Variants in FMN1 observed in about 807,000 individuals in gnomAD.
The protein encoded by FMN1 is formin-1.
In FMN1, 110 loss-of-function variants were observed where a neutral mutation model predicts 132.4. The observed-to-expected ratio is 0.83, with a 90% CI of 0.71 to 0.97. The LOEUF (loss-of-function observed/expected upper bound fraction) is 0.97, where lower values mean the gene tolerates loss of function less well. FMN1 is among the 50% of genes least tolerant of loss of function. FMN1 has a pLI of 0.00. For missense variants in FMN1, 1,792 were observed against 1,705.3 expected (o/e 1.05, Z -0.90); for synonymous variants, 722 against 651.7 (o/e 1.11, Z -1.64).
At chr15:33,122,808 G>C (rs555590018) in intron 4 of FMN1, among the ~76,000 whole-genome samples, 1 of 152,172 alleles carries the variant, frequency 6.6e-6, no homozygotes, top group Non-Finnish European at 1.5e-5. Flanking sequence ...TAATCTGAAA[G>C]AAGAGGGAAC....
At chr15:33,175,712 A>G (rs10851843) in intron 3 of FMN1, among the ~76,000 whole-genome samples, 132,616 of 152,214 alleles carry the variant, frequency 0.87, 58,224 homozygotes, top group Middle Eastern at 0.93. Context: ...AGCAGAGAAA[A>G]CTGAAAAACA....
At chr15:33,161,300 C>T (rs1964879307) in intron 3 of FMN1, among the ~76,000 whole-genome samples, 1 of 152,188 alleles carries the variant, frequency 6.6e-6, no homozygotes, top group African/African-American at 2.4e-5. Context: ...GTGGCTTCTA[C>T]TAGATTTAGC....
chr15:33,019,179 G>T (rs1039592820), intron 6 of FMN1, among the ~76,000 whole-genome samples: 3 of 152,134 alleles, frequency 2.0e-5, no homozygotes, highest in Non-Finnish European at 4.4e-5. Flanking sequence ...TTTTGACAGG[G>T]TGCTGATTGG....
intron 10 of FMN1, among the ~76,000 whole-genome samples, chr15:32,914,438 T>A (rs2060635496): frequency 6.6e-6 from 1 of 152,102 alleles, no homozygotes; most frequent in Admixed American, 6.5e-5. Context: ...TCAATTTTGG[T>A]TTGAAGAGAG....
intron 4 of FMN1, among the ~76,000 whole-genome samples, chr15:33,128,707 C>T (rs1324239437): frequency 6.6e-6 from 1 of 152,176 alleles, no homozygotes; most frequent in Non-Finnish European, 1.5e-5. Context: ...CCCGCGGACC[C>T]TCACGGTAAG....
At chr15:33,022,621 A>G (rs1481475038) in intron 6 of FMN1, among the ~76,000 whole-genome samples, 2 of 152,224 alleles carry the variant, frequency 1.3e-5, no homozygotes, top group African/African-American at 4.8e-5. Context: ...GTACCAAAGC[A>G]GAATTACGTA....
At chr15:32,863,454 A>T (rs578058295) in intron 16 of FMN1, among the ~76,000 whole-genome samples, 2 of 152,284 alleles carry the variant, frequency 1.3e-5, no homozygotes, top group East Asian at 3.9e-4. Context: ...AATAAATAAA[A>T]TAAAATAAAT....
chr15:33,193,784 TCA>T (rs1966165479), intron 2 of FMN1, 123 bp downstream of exon 2: 1 of 151,906 alleles, frequency 6.6e-6, no homozygotes, highest in Admixed American at 6.6e-5. Flanking sequence ...TCCTCCCAGC[TCA>T]CACTCTGCTC....
At chr15:32,789,790 T>C (rs997432618) in intron 19 of FMN1, among the ~76,000 whole-genome samples, 1 of 152,228 alleles carries the variant, frequency 6.6e-6, no homozygotes, top group Non-Finnish European at 1.5e-5. Context: ...CTATCTTTTA[T>C]ACTGTATTTT....
chr15:32,818,943 AG>A (rs1368847199), intron 17 of FMN1, among the ~76,000 whole-genome samples: 3 of 151,350 alleles, frequency 2.0e-5, no homozygotes, highest in Admixed American at 6.6e-5. Flanking sequence ...AAAAAAAAAA[AG>A]GCTCATGAAA....
chr15:32,788,759 T>G (rs190213248), intron 19 of FMN1, among the ~76,000 whole-genome samples: 1 of 152,250 alleles, frequency 6.6e-6, no homozygotes, highest in Non-Finnish European at 1.5e-5. Context: ...TCTAAGGTTT[T>G]GATTTGAGCT....
intron 4 of FMN1, among the ~76,000 whole-genome samples, chr15:33,111,662 C>A (rs1329909186): frequency 1.3e-5 from 2 of 152,228 alleles, no homozygotes; most frequent in Non-Finnish European, 1.5e-5. Flanking sequence ...ATCTCAAAAA[C>A]ATGCTAAGTA....
chr15:32,948,510 C>T (rs1184653788), intron 9 of FMN1, among the ~76,000 whole-genome samples: 1 of 151,838 alleles, frequency 6.6e-6, no homozygotes, highest in Non-Finnish European at 1.5e-5. Context: ...TAAGCTGGAC[C>T]TCGCATTTTG....
chr15:33,052,368 G>A (rs548306389), intron 6 of FMN1, among the ~76,000 whole-genome samples: 44 of 152,282 alleles, frequency 2.9e-4, no homozygotes, highest in South Asian at 1.5e-3. Context: ...AAAGGAACTC[G>A]ATAAAAATGC....
Position 32,773,993 on chromosome 15 carries a change from T to G in FMN1, c.*317A>C. The G allele has an allele frequency of 2.8e-6, 1 of 359,672 alleles. No individual in the cohort carries two copies. The highest frequency in any genetic ancestry group is 3.6e-5 in the South Asian group (1 of 28,032). 22.3% of individuals were successfully genotyped at this position (359,672 alleles called of 1,614,324 possible). A position where few individuals can be genotyped will look rare whatever the true frequency, so the allele number is the denominator to read the frequency against. ...CAAGCTTTGGTTATAAAGCTGGAAA[T>G]CTCAGCTTTTAAAAAAATTTTGGAA... On this transcript the variant is annotated 3_prime_UTR_variant, in exon 21 of 21. Transcript: ENST00000616417.
intron 7 of FMN1, among the ~76,000 whole-genome samples, chr15:33,000,882 T>C (rs1243711977): frequency 6.6e-6 from 1 of 152,186 alleles, no homozygotes; most frequent in Non-Finnish European, 1.5e-5. Context: ...TTTCAAAGTA[T>C]CACTGTTCAG....
chr15:32,852,458 T>C (rs1247060225), intron 17 of FMN1, among the ~76,000 whole-genome samples: 1 of 152,142 alleles, frequency 6.6e-6, no homozygotes, highest in African/African-American at 2.4e-5. Context: ...TAGTTCACTG[T>C]AGCCTTGAAC....
chr15:33,062,055 C>T (rs2037508844), intron 6 of FMN1, among the ~76,000 whole-genome samples: 2 of 151,942 alleles, frequency 1.3e-5, no homozygotes, highest in African/African-American at 4.8e-5. Flanking sequence ...TCAGACAACA[C>T]AGTAAAATTA....
intron 4 of FMN1, among the ~76,000 whole-genome samples, chr15:33,146,132 T>C (rs80098126): frequency 0.04 from 6,128 of 152,062 alleles, 160 homozygotes; most frequent in East Asian, 0.1. Flanking sequence ...GAATTACTAA[T>C]ACAAAAATCT....
Sources: allele counts gnomAD v4.1 joint callset (sites outside exome capture counted in the v4.1 genomes callset), GRCh38; gene constraint gnomAD v4.1.1; transcripts MANE v1.5; gene names NCBI Gene and HGNC (gene_info 2026-07-23, HGNC 2026-07-21).